Variants in SCNN1B observed in about 807,000 individuals in gnomAD.
SCNN1B encodes sodium channel epithelial 1 subunit beta, also known as epithelial sodium channel subunit beta.
Under a neutral mutation model 65.3 loss-of-function variants are expected in SCNN1B, and 46 were observed. The ratio of observed to expected loss-of-function variants is 0.70; its 90% confidence interval spans 0.56 to 0.90. The LOEUF (loss-of-function observed/expected upper bound fraction) is 0.90, where lower values mean the gene tolerates loss of function less well. Ranked by LOEUF, SCNN1B falls within the 40% of genes least tolerant of loss-of-function variation. SCNN1B has a pLI of 0.00. For missense variants in SCNN1B, 751 were observed against 830.5 expected, an observed-to-expected ratio of 0.90 and a Z score of 1.18; for synonymous variants, 349 against 330.6, an observed-to-expected ratio of 1.06 and a Z score of -0.60.
chr16:23,331,730 T>TG (rs750309230), intron 1 of SCNN1B, among the ~76,000 whole-genome samples: 4 of 152,126 alleles, frequency 2.6e-5, no homozygotes, highest in African/African-American at 7.2e-5. Flanking sequence ...ATGAATTTGG[T>TG]GGGGGGACAC....
At chr16:23,293,715 G>T (rs1201869613) in intron 2 of SCNN1B, among the ~76,000 whole-genome samples, 1 of 151,554 alleles carries the variant, frequency 6.6e-6, no homozygotes, top group Non-Finnish European at 1.5e-5. Context: ...TCACTTGAGT[G>T]CAGGAGTTTG....
At chr16:23,333,350 T>TTGGGG (rs1961869472) in intron 1 of SCNN1B, among the ~76,000 whole-genome samples, 1 of 152,172 alleles carries the variant, frequency 6.6e-6, no homozygotes. Flanking sequence ...ACTAGAGACC[T>TTGGGG]TGGGGAGTAT....
chr16:23,315,891 C>G (rs1251601351), intron 1 of SCNN1B, among the ~76,000 whole-genome samples: 2 of 152,104 alleles, frequency 1.3e-5, no homozygotes, highest in African/African-American at 4.8e-5. Context: ...GTAGGTACAT[C>G]CTTACCATCA....
chr16:23,279,136 G>C (rs1292289477), intron 1 of SCNN1B, among the ~76,000 whole-genome samples: 1 of 151,820 alleles, frequency 6.6e-6, no homozygotes, highest in African/African-American at 2.4e-5. Flanking sequence ...GAGTGCAGTG[G>C]AGCAATCTTG....
intron 8 of SCNN1B, among the ~76,000 whole-genome samples, chr16:23,376,927 GA>G (rs1454585602): frequency 6.6e-6 from 1 of 152,204 alleles, no homozygotes; most frequent in Non-Finnish European, 1.5e-5. Context: ...CAGGGATGGG[GA>G]TGGCCGGCAA....
intron 2 of SCNN1B, among the ~76,000 whole-genome samples, chr16:23,285,889 G>A (rs773679738): frequency 1.2e-4 from 19 of 152,104 alleles, no homozygotes; most frequent in Admixed American, 2.6e-4. Flanking sequence ...AATGAGAATC[G>A]CTTGAACCCA....
rs541634279 is a variant in SCNN1B, at chr16:23,338,071, C to CA, written c.-8-10514dup. The stretch of plus-strand genomic sequence containing the variant: ...TGTATGACAGAGTGAGACTCCGTGT[C>CA]AAAAAAACCACAACAACAAAAAAGA... On this transcript the variant is annotated intron_variant, in intron 1 of 12. Coordinates refer to ENST00000343070, the MANE Select transcript of SCNN1B (RefSeq NM_000336.3). Among the ~76,000 whole-genome samples, 412 of 152,072 alleles carry CA rather than the reference C, an allele frequency of 2.7e-3. 4 individuals carry two copies. The highest frequency in any genetic ancestry group is 9.3e-3 in the African/African-American group (384 of 41,486).
chr16:23,377,316 C>A lies in SCNN1B; in HGVS notation c.1347-13C>A. 2.5e-6 allele frequency: 4 copies of A among 1,614,118 alleles called. No homozygotes were observed. Among genetic ancestry groups the A allele is most frequent in the Admixed American group, 1.7e-5 (1 of 60,026 alleles). ...CTGGCAGGGACCACAACAGGCCTGG[C>A]CTTCTCTTTCAGTGACACCCAGTAC... On this transcript the variant is annotated splice_polypyrimidine_tract_variant and intron_variant, in intron 9 of 12. Coordinates refer to ENST00000343070, the MANE Select transcript of SCNN1B (RefSeq NM_000336.3).
intron 4 of SCNN1B, among the ~76,000 whole-genome samples, chr16:23,367,099 C>T (rs1270166846): frequency 6.6e-6 from 1 of 152,130 alleles, no homozygotes; most frequent in Non-Finnish European, 1.5e-5. Context: ...TCTAAGGATG[C>T]TTGTCATTTG....
At chr16:23,333,214 AAAG>A (rs1163112655) in intron 1 of SCNN1B, among the ~76,000 whole-genome samples, 24 of 69,850 alleles carry the variant, frequency 3.4e-4, no homozygotes, top group African/African-American at 1.1e-3. Context: ...AGGAAGGAAG[AAAG>A]AAAAAAGGCC....
At chr16:23,337,749 A>C (rs2142006514) in intron 1 of SCNN1B, among the ~76,000 whole-genome samples, 1 of 152,192 alleles carries the variant, frequency 6.6e-6, no homozygotes, top group Non-Finnish European at 1.5e-5. Flanking sequence ...TCTTTAAAGT[A>C]CCAGATGGTT....
intron 4 of SCNN1B, among the ~76,000 whole-genome samples, chr16:23,360,460 G>T (rs1354054879): frequency 1.3e-5 from 2 of 151,998 alleles, no homozygotes; most frequent in Admixed American, 6.6e-5. Context: ...GAGGGGGAAG[G>T]ATCACTTGAG....
At chr16:23,308,632 T>G (rs1961271702) in intron 1 of SCNN1B, among the ~76,000 whole-genome samples, 1 of 152,186 alleles carries the variant, frequency 6.6e-6, no homozygotes, top group African/African-American at 2.4e-5. Context: ...CATCTTATCT[T>G]ATCTTATTTG....
chr16:23,352,741 C>A (rs1962335334), intron 2 of SCNN1B, 60 bp from the exon 3 acceptor site: 5 of 1,589,546 alleles, frequency 3.1e-6, no homozygotes, highest in Non-Finnish European at 4.3e-6. Flanking sequence ...TCCCAGATTT[C>A]ATTTGCTCTG....
At chr16:23,366,452 A>G (rs1366830062) in intron 4 of SCNN1B, among the ~76,000 whole-genome samples, 1 of 152,136 alleles carries the variant, frequency 6.6e-6, no homozygotes, top group East Asian at 1.9e-4. Flanking sequence ...TCCTGGGCTC[A>G]GTTGGGTGCA....
chr16:23,380,074 C>T lies in SCNN1B; in HGVS notation c.1467-20C>T, dbSNP rs777343989. 6.2e-6 allele frequency: 10 copies of T among 1,606,712 alleles called. No individual in the cohort carries two copies. Among genetic ancestry groups the T allele is most frequent in the Middle Eastern group, 3.3e-4 (2 of 6,034 alleles). ...GAAGGGGGATACATTAGTCCCGGCC[C>T]TTCTCGCTGCCTCCTGCAGGAAGGG... On this transcript the variant is annotated intron_variant, in intron 11 of 12. Coordinates refer to ENST00000343070, the MANE Select transcript of SCNN1B (RefSeq NM_000336.3). This position sits in a 1 kb window ranked among gnomAD's most constrained non-coding sequence, Gnocchi z 5.4.
Position 23,380,843 on chromosome 16 carries a change from A to G in SCNN1B, c.*42A>G. On this transcript the variant is annotated 3_prime_UTR_variant, in exon 13 of 13. Transcript: ENST00000343070. This position sits in a 1 kb window ranked among gnomAD's most constrained non-coding sequence, Gnocchi z 5.4. ...CCCGGGCGGCTGAAACTCACTGAGC[A>G]GCCAAGACTGTTGCCCGAGGCCTCA... 1 of 1,608,946 alleles carries G rather than the reference A, an allele frequency of 6.2e-7. No individual in the cohort carries two copies. The highest frequency in any genetic ancestry group is 8.5e-7 in the Non-Finnish European group (1 of 1,177,926).
At position 23,377,141 on chromosome 16, in the gene SCNN1B, G is replaced by A. The variant is rs201576549; in HGVS notation, c.1271-24G>A. 4.3e-6 allele frequency: 7 copies of A among 1,610,692 alleles called. No homozygotes were observed. In the African/African-American group the frequency reaches 9.3e-5, roughly 21 times the overall value. On this transcript the variant is annotated intron_variant, in intron 8 of 12. Coordinates refer to ENST00000343070, the MANE Select transcript of SCNN1B (RefSeq NM_000336.3). ...CTAAAAAGCCCCCTTAAACCTCTTG[G>A]CCGCCTTTCTGTCTCCTGCGCAGCC...
At position 23,317,869 on chromosome 16, in the gene SCNN1B, C is replaced by T. The variant is rs1373782420; in HGVS notation, c.-9+15432C>T. Among the ~76,000 whole-genome samples the T allele has an allele frequency of 2.0e-5, 3 of 152,210 alleles. No individual in the cohort carries two copies. In the East Asian group the frequency reaches 5.8e-4, roughly 29 times the overall value. ...CAACTCCAGGGATGTCATTGTCAAT[C>T]ACACAGACTACACACATGATGAAGG... is the stretch of plus-strand genomic sequence containing the variant. On this transcript the variant is annotated intron_variant, in intron 1 of 12. Coordinates refer to ENST00000343070, the MANE Select transcript of SCNN1B (RefSeq NM_000336.3).
Sources: allele counts gnomAD v4.1 joint callset (sites outside exome capture counted in the v4.1 genomes callset), GRCh38; gene constraint gnomAD v4.1.1; non-coding constraint Gnocchi (gnomAD v3.1); transcripts MANE v1.5; gene names NCBI Gene and HGNC (gene_info 2026-07-23, HGNC 2026-07-21).